The following GPHN variants were observed in gnomAD, a reference collection of about 807,000 sequenced individuals.
The protein encoded by GPHN is gephyrin.
In GPHN, 17 loss-of-function variants were observed where a neutral mutation model predicts 95.5. That is an observed-to-expected ratio of 0.18 (90% CI 0.12 to 0.27). The LOEUF (loss-of-function observed/expected upper bound fraction) is 0.27, where lower values mean the gene tolerates loss of function less well. GPHN is among the 10% of genes least tolerant of loss of function. GPHN has a pLI of 1.00. For missense variants in GPHN, 660 were observed against 978.1 expected, an observed-to-expected ratio of 0.67 and a Z score of 4.34; for synonymous variants, 320 against 322.5, an observed-to-expected ratio of 0.99 and a Z score of 0.08.
At chr14:67,522,321 A>G in the GPHN span, among the ~76,000 whole-genome samples, 1 of 152,208 alleles carries the variant, frequency 6.6e-6, no homozygotes. Context: ...GGCAAATTTA[A>G]AAGAATTTCT....
At chr14:67,441,328 C>G in the GPHN span, among the ~76,000 whole-genome samples, 1 of 152,140 alleles carries the variant, frequency 6.6e-6, no homozygotes, top group Non-Finnish European at 1.5e-5. Flanking sequence ...TTGTGACAGA[C>G]AGCAGAGGTA....
intron 9 of GPHN, among the ~76,000 whole-genome samples, chr14:67,017,249 A>T (rs1171930108): frequency 6.6e-6 from 1 of 152,164 alleles, no homozygotes; most frequent in Admixed American, 6.5e-5. Context: ...TATTCCAAAA[A>T]GTGATGCATG....
intron 10 of GPHN, among the ~76,000 whole-genome samples, chr14:67,045,998 C>A (rs1050804549): frequency 2.0e-5 from 3 of 152,116 alleles, no homozygotes; most frequent in African/African-American, 7.2e-5. Flanking sequence ...ATAGATATTA[C>A]ATATTAATAG....
chr14:66,716,252 A>G (rs1374083953), intron 2 of GPHN, among the ~76,000 whole-genome samples: 1 of 152,160 alleles, frequency 6.6e-6, no homozygotes, highest in East Asian at 1.9e-4. Context: ...ACCATTATAT[A>G]ATGTCCCTCT....
rs139223462 is a variant in GPHN, at chr14:66,894,111, A to G, written c.389+14078A>G. 1.9e-3 allele frequency among the ~76,000 whole-genome samples: 294 copies of G among 152,286 alleles called. 1 individual carries two copies. The highest frequency in any genetic ancestry group is 6.8e-3 in the African/African-American group (282 of 41,560). On this transcript the variant is annotated intron_variant, in intron 5 of 22. Transcript: ENST00000478722. ...GCCTCACACTACCAGACTTCAAACT[A>G]TACTACAAGGCTACAGTAACCAAAA...
chr14:66,512,114 C>G (rs979384614), intron 1 of GPHN, among the ~76,000 whole-genome samples: 1 of 151,774 alleles, frequency 6.6e-6, no homozygotes. Flanking sequence ...AGCAAATAAA[C>G]AAGTATCTGC....
intron 4 of GPHN, among the ~76,000 whole-genome samples, chr14:66,860,600 G>C (rs971655257): frequency 6.6e-6 from 1 of 151,918 alleles, no homozygotes; most frequent in Non-Finnish European, 1.5e-5. Flanking sequence ...AATATTTTAA[G>C]ACTGTGATTG....
At chr14:66,563,908 G>A (rs1268010013) in intron 1 of GPHN, among the ~76,000 whole-genome samples, 3 of 152,120 alleles carry the variant, frequency 2.0e-5, no homozygotes, top group African/African-American at 7.2e-5. Context: ...GATATTCAGA[G>A]TTTAATTCAT....
At chr14:67,570,094 T>A in the GPHN span, 1 of 987,730 alleles carries the variant, frequency 1.0e-6, no homozygotes, top group Non-Finnish European at 1.6e-6. Flanking sequence ...GGCGGGGCTC[T>A]AGGGCCAGGC....
chr14:67,379,026 C>A, the GPHN span, among the ~76,000 whole-genome samples: 1 of 152,076 alleles, frequency 6.6e-6, no homozygotes, highest in Admixed American at 6.6e-5. Flanking sequence ...AAGCAGGATT[C>A]CCCCACAATG....
intron 2 of GPHN, among the ~76,000 whole-genome samples, chr14:66,757,449 G>A (rs1357873952): frequency 6.6e-6 from 1 of 152,100 alleles, no homozygotes; most frequent in Non-Finnish European, 1.5e-5. Context: ...GAGTGCTGTG[G>A]CACTATCTCA....
intron 4 of GPHN, among the ~76,000 whole-genome samples, chr14:66,840,658 C>T (rs2062036432): frequency 6.9e-6 from 1 of 144,364 alleles, no homozygotes; most frequent in Non-Finnish European, 1.5e-5. Context: ...TTCTACGTGT[C>T]ATGAAATATT....
At chr14:67,642,298 G>A in the GPHN span, 2 of 1,614,142 alleles carry the variant, frequency 1.2e-6, no homozygotes, top group Non-Finnish European at 1.7e-6. Context: ...ACCAGGAACT[G>A]GCTGAGGTGG....
intron 2 of GPHN, among the ~76,000 whole-genome samples, chr14:66,689,615 A>G (rs531517704): frequency 0.012 from 1,842 of 152,256 alleles, 18 homozygotes; most frequent in Non-Finnish European, 0.018. Context: ...GAAGTTTTAG[A>G]CATATTGATT....
intron 1 of GPHN, among the ~76,000 whole-genome samples, chr14:66,647,688 T>G (rs1048520006): frequency 6.6e-6 from 1 of 152,104 alleles, no homozygotes; most frequent in Non-Finnish European, 1.5e-5. Context: ...ATGTGTTCTC[T>G]GTCACCCTCT....
the GPHN span, chr14:67,684,898 T>G: frequency 1.4e-6 from 1 of 733,260 alleles, no homozygotes; most frequent in Non-Finnish European, 2.1e-6. Flanking sequence ...AACTCTAGAG[T>G]TAAAAGACAA....
At chr14:67,267,304 GC>G in the GPHN span, among the ~76,000 whole-genome samples, 1 of 151,826 alleles carries the variant, frequency 6.6e-6, no homozygotes, top group Non-Finnish European at 1.5e-5. Context: ...TGTCGCCCAG[GC>G]TGGAGTGCAA....
the GPHN span, among the ~76,000 whole-genome samples, chr14:67,711,192 A>T: frequency 6.6e-6 from 1 of 152,210 alleles, no homozygotes; most frequent in African/African-American, 2.4e-5. Flanking sequence ...AGGTTTAGCT[A>T]TTTTTATTAA....
At chr14:66,784,540 A>G (rs1283997060) in intron 3 of GPHN, among the ~76,000 whole-genome samples, 1 of 152,206 alleles carries the variant, frequency 6.6e-6, no homozygotes, top group Non-Finnish European at 1.5e-5. Context: ...ATACTGTATA[A>G]TATGGTATTC....
Sources: gnomAD v4.1 joint callset for allele counts (sites outside exome capture counted in the v4.1 genomes callset) on GRCh38, gnomAD v4.1.1 for gene constraint, MANE v1.5 for transcripts, NCBI Gene and HGNC (gene_info 2026-07-23, HGNC 2026-07-21) for gene names.